PPP3CC: variants seen among roughly 807,000 people sequenced by gnomAD.
The protein encoded by PPP3CC is serine/threonine-protein phosphatase 2B catalytic subunit gamma isoform.
In PPP3CC, 35 loss-of-function variants were observed where a neutral mutation model predicts 60.3. The ratio of observed to expected loss-of-function variants is 0.58; its 90% CI spans 0.44 to 0.77. The LOEUF is 0.77. PPP3CC is among the 30% of genes least tolerant of loss of function. PPP3CC has a pLI of 0.00. For synonymous variants in PPP3CC, 206 were observed against 224.3 expected, an observed-to-expected ratio of 0.92 and a Z score of 0.73; for missense variants, 570 against 628.9, an observed-to-expected ratio of 0.91 and a Z score of 1.00.
chr8:22,533,088 TG>T, intron 12 of PPP3CC, 70 bp downstream of exon 12: 1 of 1,196,022 alleles, frequency 8.4e-7, no homozygotes, highest in Non-Finnish European at 1.1e-6. Flanking sequence ...CACTTACAAA[TG>T]GGGGCTTTCC....
At chr8:22,491,047 C>T (rs1347590979) in intron 3 of PPP3CC, among the ~76,000 whole-genome samples, 1 of 152,140 alleles carries the variant, frequency 6.6e-6, no homozygotes, top group East Asian at 1.9e-4. Context: ...TATAGAATTT[C>T]ACAGTATTTA....
At chr8:22,443,066 C>CT in intron 1 of PPP3CC, among the ~76,000 whole-genome samples, 1 of 152,238 alleles carries the variant, frequency 6.6e-6, no homozygotes, top group Non-Finnish European at 1.5e-5. Context: ...CTTAGTGAAG[C>CT]TTAGTGCAGC....
intron 4 of PPP3CC, 82 bp from the exon 5 acceptor site, chr8:22,511,004 C>G: frequency 0.025 from 24,383 of 969,472 alleles, no homozygotes; most frequent in Non-Finnish European, 0.035. Context: ...TCTAAAGTAG[C>G]TTCATATTCT....
chr8:22,441,520 G>C (rs1836670308), intron 1 of PPP3CC, 62 bp downstream of exon 1: 21 of 1,469,200 alleles, frequency 1.4e-5, no homozygotes, highest in Non-Finnish European at 1.6e-5. Flanking sequence ...CTGGGCGGCG[G>C]CTCGGGGCGG....
At chr8:22,469,140 A>G (rs1196295371) in intron 1 of PPP3CC, among the ~76,000 whole-genome samples, 1 of 152,232 alleles carries the variant, frequency 6.6e-6, no homozygotes, top group African/African-American at 2.4e-5. Context: ...ACACAATGGA[A>G]TATTGTTCAA....
intron 1 of PPP3CC, among the ~76,000 whole-genome samples, chr8:22,450,491 C>A (rs1380623442): frequency 6.6e-6 from 1 of 152,216 alleles, no homozygotes; most frequent in Non-Finnish European, 1.5e-5. Context: ...ACTGCATGTC[C>A]AGTCCCACCA....
chr8:22,537,661 G>A (rs998491048), intron 12 of PPP3CC, among the ~76,000 whole-genome samples: 77 of 152,262 alleles, frequency 5.1e-4, no homozygotes, highest in African/African-American at 1.9e-3. Context: ...AAAAGCAATT[G>A]TCCATAAACT....
chr8:22,515,167 C>G (rs187239284), intron 6 of PPP3CC, among the ~76,000 whole-genome samples: 48 of 152,202 alleles, frequency 3.2e-4, no homozygotes, highest in Admixed American at 1.6e-3. Context: ...ACTCTCATCT[C>G]CATGAGTTCA....
At chr8:22,441,483 C>A in intron 1 of PPP3CC, 25 bp downstream of exon 1, 1 of 1,520,800 alleles carries the variant, frequency 6.6e-7, no homozygotes, top group Non-Finnish European at 8.8e-7. Context: ...GGGCCTTCCT[C>A]TGGGACCCGC....
chr8:22,482,770 A>G (rs1313813487), intron 3 of PPP3CC, among the ~76,000 whole-genome samples: 1 of 152,262 alleles, frequency 6.6e-6, no homozygotes, highest in Non-Finnish European at 1.5e-5. Context: ...TGAATTAATC[A>G]GACAGAGGAA....
intron 3 of PPP3CC, among the ~76,000 whole-genome samples, chr8:22,497,413 T>G (rs993272763): frequency 2.6e-5 from 4 of 152,056 alleles, no homozygotes; most frequent in African/African-American, 9.7e-5. Context: ...GCCCCCTGCC[T>G]TAGCCTCCTG....
At chr8:22,466,172 CT>C (rs141403460) in intron 1 of PPP3CC, among the ~76,000 whole-genome samples, 63,849 of 151,936 alleles carry the variant, frequency 0.42, 14,061 homozygotes, top group East Asian at 0.68. Flanking sequence ...TGAACTCATC[CT>C]TTTTATGGCT....
rs372895915 is a variant in PPP3CC, at chr8:22,450,554, C to G, written c.49+9096C>G. 9.2e-5 allele frequency among the ~76,000 whole-genome samples: 14 copies of G among 152,282 alleles called. 1 individual carries two copies. The highest frequency in any genetic ancestry group is 3.4e-4 in the African/African-American group (14 of 41,572). ...TACATATCCTCTACTTCATCCTATT[C>G]TCACACCTTTTGCTTGTGCCATTGC... is the stretch of plus-strand genomic sequence containing the variant. On this transcript the variant is annotated intron_variant, in intron 1 of 13. Coordinates refer to ENST00000240139, the MANE Select transcript of PPP3CC (RefSeq NM_005605.5).
At chr8:22,498,445 AAAAAT>A (rs987142375) in intron 4 of PPP3CC, among the ~76,000 whole-genome samples, 1 of 152,196 alleles carries the variant, frequency 6.6e-6, no homozygotes, top group Non-Finnish European at 1.5e-5. Flanking sequence ...TTCCATCTCA[AAAAAT>A]AAAATAAAAT....
intron 3 of PPP3CC, among the ~76,000 whole-genome samples, chr8:22,490,396 C>T (rs543080170): frequency 6.6e-6 from 1 of 152,168 alleles, no homozygotes; most frequent in African/African-American, 2.4e-5. Flanking sequence ...CTTTGAGAAC[C>T]ACTGTTGTAG....
At chr8:22,442,643 TCTAA>T (rs912931613) in intron 1 of PPP3CC, among the ~76,000 whole-genome samples, 8 of 152,246 alleles carry the variant, frequency 5.3e-5, no homozygotes, top group African/African-American at 1.2e-4. Context: ...GAATTGTTCA[TCTAA>T]CTGACATTAT....
intron 1 of PPP3CC, among the ~76,000 whole-genome samples, chr8:22,442,235 G>T (rs922804416): frequency 6.6e-6 from 1 of 152,152 alleles, no homozygotes; most frequent in Non-Finnish European, 1.5e-5. Flanking sequence ...TTATTCAGCC[G>T]TAAGTCTTAG....
Position 22,513,397 on chromosome 8 carries a change from C to G in PPP3CC, c.735C>G (p.Thr245=), listed in dbSNP as rs1254791947. The part of the protein sequence containing the change: ...YGNEKTLEHY[T]HNTVRGCSYF... Reference sequence around the variant, plus strand: ...ATGAGAAGACCTTGGAGCACTATACCCACAACACTGTCCGAGGGTGCTCTT... The same window carrying G: ...ATGAGAAGACCTTGGAGCACTATACGCACAACACTGTCCGAGGGTGCTCTT... The change falls in exon 6 of 14, where the codon ACC becomes ACG. Residue 245 remains threonine (T), a synonymous_variant. Transcript: ENST00000240139. 1.2e-6 allele frequency: 2 copies of G among 1,613,386 alleles called. No individual in the cohort carries two copies. The highest frequency in any genetic ancestry group is 1.7e-6 in the Non-Finnish European group (2 of 1,179,742).
chr8:22,540,956 T>C lies in PPP3CC; in HGVS notation c.*154T>C. On this transcript the variant is annotated 3_prime_UTR_variant, in exon 14 of 14. Transcript: ENST00000240139. ...TTATTCTGTAAAAAGGTGGCTGTTT[T>C]ATAAATTCTTTTAATTTATGTTCAA... The C allele has an allele frequency of 1.6e-6, 1 of 622,350 alleles. No homozygotes were observed. Among genetic ancestry groups the C allele is most frequent in the East Asian group, 3.3e-5 (1 of 30,372 alleles). 38.6% of individuals were successfully genotyped at this position (622,350 alleles called of 1,614,324 possible). A position where few individuals can be genotyped will look rare whatever the true frequency, so the allele number is the denominator to read the frequency against.
Sources: gnomAD v4.1 joint callset for allele counts (sites outside exome capture counted in the v4.1 genomes callset) on GRCh38, gnomAD v4.1.1 for gene constraint, MANE v1.5 for transcripts, NCBI Gene and HGNC (gene_info 2026-07-23, HGNC 2026-07-21) for gene names.